Variants in STK32B observed in about 807,000 individuals in gnomAD.
STK32B encodes serine/threonine-protein kinase 32B.
Under a neutral mutation model 52.6 loss-of-function variants are expected in STK32B, and 43 were observed. The ratio of observed to expected loss-of-function variants is 0.82; its 90% CI spans 0.64 to 1.05. STK32B has a LOEUF of 1.05. STK32B is among the 50% of genes least tolerant of loss of function. STK32B has a pLI of 0.00. For synonymous variants in STK32B, 238 were observed against 204.3 expected, an observed-to-expected ratio of 1.17 and a Z score of -1.41; for missense variants, 621 against 534.6, an observed-to-expected ratio of 1.16 and a Z score of -1.59.
chr4:5,169,460 AC>A (rs1469094639), intron 3 of STK32B, among the ~76,000 whole-genome samples: 2 of 152,126 alleles, frequency 1.3e-5, no homozygotes, highest in South Asian at 4.2e-4. Context: ...CTTTGCACAT[AC>A]TTGACCACCA....
the STK32B span, among the ~76,000 whole-genome samples, chr4:5,042,809 A>G: frequency 2.0e-5 from 3 of 152,232 alleles, no homozygotes; most frequent in Non-Finnish European, 4.4e-5. Flanking sequence ...CCTAGGCTAC[A>G]AACCTGTGCA....
intron 1 of STK32B, among the ~76,000 whole-genome samples, chr4:5,130,233 G>A (rs1332342531): frequency 1.3e-5 from 2 of 151,814 alleles, no homozygotes; most frequent in Non-Finnish European, 2.9e-5. Context: ...GGCGTTCCAG[G>A]CAGAGGGACA....
chr4:5,270,180 A>T (rs1398242779), intron 3 of STK32B, among the ~76,000 whole-genome samples: 1 of 152,156 alleles, frequency 6.6e-6, no homozygotes, highest in Non-Finnish European at 1.5e-5. Flanking sequence ...TGTATATATA[A>T]AGAGGAGTTT....
intron 1 of STK32B, among the ~76,000 whole-genome samples, chr4:5,085,826 T>G (rs1447284): frequency 0.46 from 69,288 of 151,950 alleles, 16,140 homozygotes; most frequent in African/African-American, 0.5. Context: ...CCATTTACTA[T>G]CTCAGCGATA....
At position 5,436,609 on chromosome 4, in the gene STK32B, A is replaced by G. The variant is rs891027363; in HGVS notation, c.563-10064A>G. 3.0e-6 allele frequency: 3 copies of G among 985,304 alleles called. No individual in the cohort carries two copies. The African/African-American group carries it at 5.2e-5, about 17-fold the overall frequency. The allele number at this position is 985,304 out of a possible 1,614,324, so 61.0% of individuals were successfully genotyped here. On this transcript the variant is annotated intron_variant, in intron 6 of 11. Transcript: ENST00000282908. ...GCTGCTCCTAGGGGACTAGAAGGGA[A>G]AACAAGCATCAGAACATGAGCAGCA...
At chr4:5,495,690 T>C (rs1364184087) in intron 11 of STK32B, among the ~76,000 whole-genome samples, 5 of 152,160 alleles carry the variant, frequency 3.3e-5, no homozygotes, top group Admixed American at 2.6e-4. Flanking sequence ...CTCTGTTTTT[T>C]CCCCATCTTT....
intron 11 of STK32B, among the ~76,000 whole-genome samples, chr4:5,471,812 G>A (rs1164112136): frequency 2.0e-5 from 3 of 152,132 alleles, no homozygotes; most frequent in Non-Finnish European, 2.9e-5. Flanking sequence ...GTCTAAAGCT[G>A]CAAACCCTCC....
intron 3 of STK32B, among the ~76,000 whole-genome samples, chr4:5,197,951 TC>T: frequency 6.6e-6 from 1 of 152,192 alleles, no homozygotes; most frequent in Middle Eastern, 3.2e-3. Flanking sequence ...TGTTTTTTTT[TC>T]CAGCAAATAA....
At chr4:5,426,247 A>G (rs1713081379) in intron 6 of STK32B, among the ~76,000 whole-genome samples, 1 of 152,156 alleles carries the variant, frequency 6.6e-6, no homozygotes, top group African/African-American at 2.4e-5. Flanking sequence ...AGTACTTGGT[A>G]TCGTCCCATC....
At chr4:5,143,578 G>T (rs1379960335) in intron 2 of STK32B, among the ~76,000 whole-genome samples, 1 of 152,154 alleles carries the variant, frequency 6.6e-6, no homozygotes, top group Admixed American at 6.5e-5. Context: ...GGAGCCACAT[G>T]GTCCTGCAGA....
chr4:5,048,991 C>T (rs1741668015), upstream of STK32B, among the ~76,000 whole-genome samples: 1 of 152,216 alleles, frequency 6.6e-6, no homozygotes, highest in African/African-American at 2.4e-5. Context: ...ATGCAGAGTT[C>T]TCAATACACA....
rs1560185855 is a variant in STK32B at position 5,159,588 on chromosome 4, AATATATATGAATATATAT to A, written c.109-8708_109-8691del. ...ATGAATATATATGAATATATATATG[AATATATATGAATATATAT>A]ATGAATATATATGAATATATATGAA... On this transcript the variant is annotated intron_variant, in intron 2 of 11. Coordinates refer to ENST00000282908, the MANE Select transcript of STK32B (RefSeq NM_018401.3). Among the ~76,000 whole-genome samples, 198 of 105,858 alleles carry A rather than the reference AATATATATGAATATATAT, an allele frequency of 1.9e-3. 32 individuals are homozygous for A. Among genetic ancestry groups the A allele is most frequent in the African/African-American group, 9.8e-3 (189 of 19,368 alleles). The allele number at this position is 105,858 out of a possible 152,430, so 69.4% of individuals were successfully genotyped here.
chr4:5,043,236 G>A, the STK32B span, among the ~76,000 whole-genome samples: 11 of 151,622 alleles, frequency 7.3e-5, no homozygotes, highest in Non-Finnish European at 1.3e-4. Context: ...GCAGGCTTTC[G>A]ATTCCAAATG....
At chr4:5,180,149 G>A (rs1341161051) in intron 3 of STK32B, among the ~76,000 whole-genome samples, 1 of 152,204 alleles carries the variant, frequency 6.6e-6, no homozygotes, top group Non-Finnish European at 1.5e-5. Flanking sequence ...CCTTGTCCAG[G>A]AGACTCCATA....
intron 1 of STK32B, among the ~76,000 whole-genome samples, chr4:5,062,771 G>A (rs1742266107): frequency 6.6e-6 from 1 of 152,104 alleles, no homozygotes. Flanking sequence ...GCCTCCCAAA[G>A]TGCTGGGATT....
At chr4:5,376,895 C>T (rs189856607) in intron 4 of STK32B, among the ~76,000 whole-genome samples, 8 of 152,258 alleles carry the variant, frequency 5.3e-5, no homozygotes, top group Non-Finnish European at 1.0e-4. Flanking sequence ...CTCTGCCATA[C>T]CCACCTGCTC....
rs544494485 is a variant in STK32B, at chr4:5,172,036, C to T, written c.260+3586C>T. Among the ~76,000 whole-genome samples the T allele has an allele frequency of 1.7e-4, 26 of 152,016 alleles. No homozygotes were observed. The East Asian group carries it at 4.5e-3, about 26-fold the overall frequency. On this transcript the variant is annotated intron_variant, in intron 3 of 11. Coordinates refer to ENST00000282908, the MANE Select transcript of STK32B (RefSeq NM_018401.3). The stretch of plus-strand genomic sequence containing the variant: ...AGAGGTCCTTCACATCCCTTGTAAG[C>T]TGGATTCCTAGGTATTTTATTCTCT...
intron 2 of STK32B, among the ~76,000 whole-genome samples, chr4:5,146,618 A>G (rs1716935353): frequency 6.6e-6 from 1 of 152,172 alleles, no homozygotes; most frequent in East Asian, 1.9e-4. Flanking sequence ...CAACACCCTC[A>G]CAGACATACC....
At position 5,460,057 on chromosome 4, in the gene STK32B, T is replaced by C. The variant is rs201961620; in HGVS notation, c.784-46T>C. On this transcript the variant is annotated intron_variant, in intron 8 of 11. Coordinates refer to ENST00000282908, the MANE Select transcript of STK32B (RefSeq NM_018401.3). This position sits in a 1 kb window ranked among gnomAD's most constrained non-coding sequence, Gnocchi z 4.8. ...CCTCCTTCAGAGTCCCCGCTAACCT[T>C]GAGGGATGCCCAATTCATGGAAACT... 6 of 1,614,080 alleles carry C rather than the reference T, an allele frequency of 3.7e-6. No homozygotes were observed. The highest frequency in any genetic ancestry group is 4.2e-6 in the Non-Finnish European group (5 of 1,179,990).
Sources: gnomAD v4.1 joint callset for allele counts (sites outside exome capture counted in the v4.1 genomes callset) on GRCh38, gnomAD v4.1.1 for gene constraint, Gnocchi (gnomAD v3.1) non-coding constraint, MANE v1.5 for transcripts, NCBI Gene and HGNC (gene_info 2026-07-23, HGNC 2026-07-21) for gene names.